Variants in SESN3 observed in about 807,000 individuals in gnomAD.
SESN3 encodes the protein sestrin 3, also known as sestrin-3.
Under a neutral mutation model 55.3 loss-of-function variants are expected in SESN3, and 21 were observed. The observed-to-expected ratio is 0.38, with a 90% CI of 0.27 to 0.55. The LOEUF (loss-of-function observed/expected upper bound fraction) is 0.55, where lower values mean the gene tolerates loss of function less well. SESN3 is among the 20% of genes least tolerant of loss of function. The pLI, the probability that SESN3 is intolerant of heterozygous loss-of-function variation, is 0.76. For synonymous variants in SESN3, 181 were observed against 203.1 expected (o/e 0.89, Z 0.93); for missense variants, 408 against 604.3 (o/e 0.68, Z 3.41).
intron 1 of SESN3, among the ~76,000 whole-genome samples, chr11:95,199,553 G>C (rs1006853749): frequency 2.6e-5 from 4 of 151,998 alleles, no homozygotes; most frequent in Admixed American, 6.6e-5. Flanking sequence ...AGAAAATTAA[G>C]ATACTTGTAT....
At position 95,231,176 on chromosome 11, in the gene SESN3, A is replaced by ACCG. The variant is rs1555124858; in HGVS notation, c.-317_-316insCGG. 6.8e-5 allele frequency: 18 copies of ACCG among 264,606 alleles called. No homozygotes were observed. Among genetic ancestry groups the ACCG allele is most frequent in the Middle Eastern group, 1.0e-3 (1 of 966 alleles). The allele number at this position is 264,606 out of a possible 1,614,324, so 16.4% of individuals were successfully genotyped here. A position where few individuals can be genotyped will look rare whatever the true frequency, so the allele number is the denominator to read the frequency against. ...AGCAGCCGCCACCGCTGCCACCGCC[A>ACCG]CCACCGCCGCCGCAGCGCCTCAGTG... On this transcript the variant is annotated 5_prime_UTR_variant, in exon 1 of 10. Coordinates refer to ENST00000536441, the MANE Select transcript of SESN3 (RefSeq NM_144665.4).
At chr11:95,221,185 T>A (rs530330800) in intron 1 of SESN3, among the ~76,000 whole-genome samples, 55 of 152,088 alleles carry the variant, frequency 3.6e-4, no homozygotes, top group African/African-American at 1.3e-3. Flanking sequence ...GTGCTTGTAA[T>A]CCCAGCTACT....
At chr11:95,184,133 A>C (rs1245874124) in intron 6 of SESN3, 22 of 403,600 alleles carry the variant, frequency 5.5e-5, no homozygotes, top group Non-Finnish European at 9.2e-5. Context: ...GGATAAATTA[A>C]ATATGTCTAT....
chr11:95,165,650 T>C lies in SESN3; in HGVS notation c.*7605A>G, dbSNP rs1269106935. The C allele has an allele frequency of 6.6e-6, 1 of 152,202 alleles. No homozygotes were observed. The highest frequency in any genetic ancestry group is 1.9e-4 in the East Asian group (1 of 5,190). The allele number at this position is 152,202 out of a possible 1,614,324, so 9.4% of individuals were successfully genotyped here. Reference sequence around the variant, plus strand: ...TACAGTTTAACAAAACCCATTGTTCTGTACCTATAAATAGATTTTCAAAAT... The same window carrying C: ...TACAGTTTAACAAAACCCATTGTTCCGTACCTATAAATAGATTTTCAAAAT... On this transcript the variant is annotated 3_prime_UTR_variant, in exon 10 of 10. Coordinates refer to ENST00000536441, the MANE Select transcript of SESN3 (RefSeq NM_144665.4).
At chr11:95,204,349 A>C (rs980368596) in intron 1 of SESN3, among the ~76,000 whole-genome samples, 1 of 152,192 alleles carries the variant, frequency 6.6e-6, no homozygotes, top group Non-Finnish European at 1.5e-5. Flanking sequence ...GTAATTTATA[A>C]TACAAGTTAA....
intron 1 of SESN3, among the ~76,000 whole-genome samples, chr11:95,218,193 A>G (rs1180618499): frequency 6.6e-6 from 1 of 152,246 alleles, no homozygotes; most frequent in African/African-American, 2.4e-5. Flanking sequence ...ACAATTACTT[A>G]CTATAGAAGA....
At chr11:95,212,181 C>G (rs1033597614) in intron 1 of SESN3, among the ~76,000 whole-genome samples, 1 of 152,184 alleles carries the variant, frequency 6.6e-6, no homozygotes, top group South Asian at 2.1e-4. Context: ...ATTTAACTAC[C>G]CTTCTTTTCC....
At chr11:95,223,374 T>A (rs1860893628) in intron 1 of SESN3, among the ~76,000 whole-genome samples, 1 of 152,160 alleles carries the variant, frequency 6.6e-6, no homozygotes, top group Non-Finnish European at 1.5e-5. Flanking sequence ...CTACTCAGGG[T>A]CCTTCTTTCC....
At chr11:95,228,006 T>G (rs935651010) in intron 1 of SESN3, among the ~76,000 whole-genome samples, 3 of 152,202 alleles carry the variant, frequency 2.0e-5, no homozygotes, top group Non-Finnish European at 4.4e-5. Context: ...GATGGTTAAT[T>G]TATTTATGGA....
chr11:95,184,919 C>T (rs1591051562), intron 5 of SESN3, among the ~76,000 whole-genome samples: 1 of 151,806 alleles, frequency 6.6e-6, no homozygotes, highest in Admixed American at 6.6e-5. Flanking sequence ...TTTTTGCTGT[C>T]ATAAGGTATG....
In SESN3 at chr11:95,168,369, T is replaced by G. The variant is rs751320297; in HGVS notation, c.*4886A>C. 6.6e-6 allele frequency: 1 copy of G among 152,226 alleles called. No homozygotes were observed. Among genetic ancestry groups the G allele is most frequent in the Non-Finnish European group, 1.5e-5 (1 of 68,032 alleles). 9.4% of individuals were successfully genotyped at this position (152,226 alleles called of 1,614,324 possible). ...ATTCAATCACTTTAAAATCCTGTTATATGCTAAATTCTGAACGATAGAAAT... is the reference window on the plus strand; with the variant it reads ...ATTCAATCACTTTAAAATCCTGTTAGATGCTAAATTCTGAACGATAGAAAT... On this transcript the variant is annotated 3_prime_UTR_variant, in exon 10 of 10. Transcript: ENST00000536441.
chr11:95,229,076 T>C (rs1226920833), intron 1 of SESN3, among the ~76,000 whole-genome samples: 1 of 152,226 alleles, frequency 6.6e-6, no homozygotes, highest in Non-Finnish European at 1.5e-5. Flanking sequence ...TACAGTGCTC[T>C]TTTTCCTTAT....
At chr11:95,191,362 G>C (rs773058752) in intron 3 of SESN3, 42 bp downstream of exon 3, 1 of 1,414,812 alleles carries the variant, frequency 7.1e-7, no homozygotes, top group Non-Finnish European at 1.0e-6. Context: ...GAAAGAATAA[G>C]TGAGGAAGGT....
chr11:95,218,350 A>C (rs1179171510), intron 1 of SESN3, among the ~76,000 whole-genome samples: 5 of 152,224 alleles, frequency 3.3e-5, no homozygotes, highest in Admixed American at 3.3e-4. Context: ...CATAAGTTGC[A>C]AGTCATCACG....
At chr11:95,184,332 C>T in intron 6 of SESN3, 88 bp downstream of exon 6, 1 of 1,059,168 alleles carries the variant, frequency 9.4e-7, no homozygotes, top group Non-Finnish European at 1.4e-6. Flanking sequence ...GTAGCAGAAT[C>T]ATTTTTACAT....
intron 1 of SESN3, chr11:95,204,099 A>T (rs1037553344): frequency 1.8e-4 from 27 of 152,286 alleles, no homozygotes; most frequent in African/African-American, 5.1e-4. Context: ...CAGCAGGTAG[A>T]AGAAAATGAG....
At chr11:95,184,893 A>C (rs1226627196) in intron 5 of SESN3, among the ~76,000 whole-genome samples, 2 of 152,084 alleles carry the variant, frequency 1.3e-5, no homozygotes, top group African/African-American at 4.8e-5. Flanking sequence ...AAAATGAGGC[A>C]GCACAATTGT....
At chr11:95,185,948 C>G (rs1452081302) in intron 4 of SESN3, among the ~76,000 whole-genome samples, 1 of 151,926 alleles carries the variant, frequency 6.6e-6, no homozygotes, top group Non-Finnish European at 1.5e-5. Flanking sequence ...GAGAAAGAAC[C>G]TGCAGCAGAT....
Position 95,230,722 on chromosome 11 carries a change from G to A in SESN3, c.78+61C>T. On this transcript the variant is annotated intron_variant, in intron 1 of 9. Coordinates refer to ENST00000536441, the MANE Select transcript of SESN3 (RefSeq NM_144665.4). This position sits in a 1 kb window ranked among gnomAD's most constrained non-coding sequence, Gnocchi z 4.6. Reference sequence around the variant, plus strand: ...CCCAGTGCGCGCCCGGGGACGAGCCGCCCGAGCCCCGGCCGGCAGGAAGCG... The same window carrying A: ...CCCAGTGCGCGCCCGGGGACGAGCCACCCGAGCCCCGGCCGGCAGGAAGCG... 7.4e-7 allele frequency: 1 copy of A among 1,354,972 alleles called. No individual in the cohort carries two copies. The highest frequency in any genetic ancestry group is 1.0e-6 in the Non-Finnish European group (1 of 967,610). The allele number at this position is 1,354,972 out of a possible 1,614,324, so 83.9% of individuals were successfully genotyped here.
Sources: gnomAD v4.1 joint callset for allele counts (sites outside exome capture counted in the v4.1 genomes callset) on GRCh38, gnomAD v4.1.1 for gene constraint, Gnocchi (gnomAD v3.1) non-coding constraint, MANE v1.5 for transcripts, NCBI Gene and HGNC (gene_info 2026-07-23, HGNC 2026-07-21) for gene names.